The following ATP8B4 variants were observed in gnomAD, a reference collection of about 807,000 sequenced individuals.
ATP8B4 encodes the protein probable phospholipid-transporting ATPase IM.
Under a neutral mutation model 145.6 loss-of-function variants are expected in ATP8B4, and 133 were observed. That is an observed-to-expected ratio of 0.91 (90% CI 0.79 to 1.05). The LOEUF is 1.05. Among genes scored for constraint, ATP8B4 ranks in the 50% least tolerant of loss-of-function variants. The probability of loss-of-function intolerance (pLI) is 0.00; values close to 1 mark genes in which losing one functional copy is unlikely to be tolerated. For synonymous variants in ATP8B4, 507 were observed against 492.9 expected, an observed-to-expected ratio of 1.03 and a Z score of -0.38; for missense variants, 1,458 against 1,425.2, an observed-to-expected ratio of 1.02 and a Z score of -0.37.
intron 10 of ATP8B4, chr15:49,982,661 G>C (rs1247170646): frequency 6.6e-6 from 1 of 152,024 alleles, no homozygotes; most frequent in East Asian, 1.9e-4. Context: ...CATTCCATTA[G>C]GCACACAAAT....
chr15:49,920,348 G>A lies in ATP8B4; in HGVS notation c.1821C>T (p.Tyr607=), dbSNP rs941427045. The A allele has an allele frequency of 4.3e-6, 7 of 1,614,170 alleles. No homozygotes were observed. The Admixed American group carries it at 1.0e-4, about 23-fold the overall frequency. ...CAAGCATCTTATGCCACTCTTTAAA[G>A]TACTTGTCATCCAGGTCTCTGTATG... ...AIAYRDLDDK[Y]FKEWHKMLED... is the part of the protein sequence containing the mutation. The change falls in exon 18 of 28, where the codon TAC becomes TAT. Residue 607 remains tyrosine (Y), a synonymous_variant. Coordinates refer to ENST00000284509, the MANE Select transcript of ATP8B4 (RefSeq NM_024837.4).
intron 1 of ATP8B4, among the ~76,000 whole-genome samples, chr15:50,138,972 C>T (rs1436528758): frequency 1.3e-5 from 2 of 152,180 alleles, no homozygotes; most frequent in African/African-American, 4.8e-5. Context: ...AAAAACAATG[C>T]TTTTACACTA....
chr15:50,047,401 G>C lies in ATP8B4; in HGVS notation c.151C>G (p.Gln51Glu), dbSNP rs772676192. Reference sequence around the variant, plus strand: ...TAGGCATTTGCCACTCTTTGGAACTGTTCAAATAAATTAATTGGCAAGAAG... The same window carrying C: ...TAGGCATTTGCCACTCTTTGGAACTCTTCAAATAAATTAATTGGCAAGAAG... Reference protein sequence around the residue: ...LTFLPINLFEQFQRVANAYFL... With the variant: ...LTFLPINLFEEFQRVANAYFL... The change falls in exon 4 of 28, where the codon CAG becomes GAG. Residue 51 changes from glutamine (Q) to glutamate (E), a missense_variant. Gln to Glu is a conservative substitution (Grantham distance 29). Coordinates refer to ENST00000284509, the MANE Select transcript of ATP8B4 (RefSeq NM_024837.4). 3 of 1,600,332 alleles carry C rather than the reference G, an allele frequency of 1.9e-6. No individual in the cohort carries two copies. Among genetic ancestry groups the C allele is most frequent in the Non-Finnish European group, 2.6e-6 (3 of 1,167,632 alleles).
intron 2 of ATP8B4, among the ~76,000 whole-genome samples, chr15:50,087,098 A>AATATAGAGATCTATATTATATAT (rs2055208786): frequency 3.3e-5 from 3 of 91,304 alleles, no homozygotes; most frequent in African/African-American, 1.3e-4. Context: ...TATATATAAT[A>AATATAGAGATCTATATTATATAT]AATATAGATT....
chr15:49,980,735 C>T (rs35526735), intron 11 of ATP8B4, among the ~76,000 whole-genome samples: 45,002 of 152,010 alleles, frequency 0.3, 6,801 homozygotes, highest in East Asian at 0.45. Flanking sequence ...GACCTTCTGT[C>T]CTAAAAGTAT....
Position 50,010,809 on chromosome 15 carries a change from C to G in ATP8B4, c.435+36G>C, listed in dbSNP as rs763104646. 8.8e-6 allele frequency: 12 copies of G among 1,363,066 alleles called. No homozygotes were observed. In the Middle Eastern group the frequency reaches 7.7e-4, roughly 88 times the overall value. 84.4% of individuals were successfully genotyped at this position (1,363,066 alleles called of 1,614,324 possible). On this transcript the variant is annotated intron_variant, in intron 7 of 27. Coordinates refer to ENST00000284509, the MANE Select transcript of ATP8B4 (RefSeq NM_024837.4). ...ACTTCCATATATATGCTACTTTAAT[C>G]TGAGATAAATTATTCAAACAATATT... is the stretch of plus-strand genomic sequence containing the variant.
At chr15:49,994,405 C>A (rs1349339964) in intron 9 of ATP8B4, among the ~76,000 whole-genome samples, 1 of 151,972 alleles carries the variant, frequency 6.6e-6, no homozygotes, top group Admixed American at 6.6e-5. Flanking sequence ...TTCCTCTCGG[C>A]CCCCCAATGG....
chr15:50,168,045 A>G (rs1595665021), intron 1 of ATP8B4, among the ~76,000 whole-genome samples: 1 of 152,184 alleles, frequency 6.6e-6, no homozygotes. Context: ...GAAAAACAAT[A>G]AAAAGCTGAA....
chr15:49,884,632 G>C lies in ATP8B4; in HGVS notation c.2698-5173C>G, dbSNP rs764756700. 2.0e-3 allele frequency among the ~76,000 whole-genome samples: 213 copies of C among 107,262 alleles called. 2 individuals are homozygous for C. Among genetic ancestry groups the C allele is most frequent in the Non-Finnish European group, 3.4e-3 (168 of 49,638 alleles). 70.4% of individuals were successfully genotyped at this position (107,262 alleles called of 152,430 possible). ...AAAAAAGAAAAAAAAAAAAAAAAAA[G>C]AAAGTTTCCTTGAAGGCTTTTTCCC... On this transcript the variant is annotated intron_variant, in intron 23 of 27. Transcript: ENST00000284509.
intron 14 of ATP8B4, among the ~76,000 whole-genome samples, chr15:49,953,700 A>G (rs2043301224): frequency 6.6e-6 from 1 of 152,220 alleles, no homozygotes; most frequent in Non-Finnish European, 1.5e-5. Flanking sequence ...AGGCTTAGAC[A>G]GCAGGCAGCA....
intron 20 of ATP8B4, among the ~76,000 whole-genome samples, chr15:49,912,741 C>A (rs917703656): frequency 1.3e-5 from 2 of 152,218 alleles, no homozygotes; most frequent in African/African-American, 2.4e-5. Flanking sequence ...AGATCAATAT[C>A]TCTGATGAAC....
At chr15:50,087,508 A>G (rs1469198106) in intron 2 of ATP8B4, among the ~76,000 whole-genome samples, 1 of 150,370 alleles carries the variant, frequency 6.7e-6, no homozygotes, top group Non-Finnish European at 1.5e-5. Flanking sequence ...TGATGAATAC[A>G]TGTATGACAT....
intron 1 of ATP8B4, among the ~76,000 whole-genome samples, chr15:50,158,148 C>T (rs1479272011): frequency 2.0e-5 from 3 of 152,198 alleles, no homozygotes; most frequent in Admixed American, 1.3e-4. Context: ...CCCAAAGTGC[C>T]GAGATTGCAG....
At chr15:49,915,177 C>T (rs1024567286) in intron 20 of ATP8B4, among the ~76,000 whole-genome samples, 1 of 151,972 alleles carries the variant, frequency 6.6e-6, no homozygotes, top group Non-Finnish European at 1.5e-5. Context: ...TGAATGGAAC[C>T]ACGGGTTCCA....
intron 6 of ATP8B4, among the ~76,000 whole-genome samples, chr15:50,022,729 C>T (rs1360941952): frequency 6.6e-6 from 1 of 152,202 alleles, no homozygotes; most frequent in Non-Finnish European, 1.5e-5. Flanking sequence ...GTAAACCTGG[C>T]CTCTGGTGAA....
chr15:50,137,396 C>T (rs1430398709), intron 1 of ATP8B4, among the ~76,000 whole-genome samples: 1 of 152,200 alleles, frequency 6.6e-6, no homozygotes, highest in African/African-American at 2.4e-5. Context: ...AGACATCTTT[C>T]CATGCAGTCC....
At chr15:49,886,424 C>CA in intron 23 of ATP8B4, among the ~76,000 whole-genome samples, 1 of 152,068 alleles carries the variant, frequency 6.6e-6, no homozygotes. Flanking sequence ...ATGGGGGGAG[C>CA]ATGCAGGGAT....
intron 9 of ATP8B4, among the ~76,000 whole-genome samples, chr15:49,990,939 T>C (rs2046997634): frequency 6.6e-6 from 1 of 152,178 alleles, no homozygotes; most frequent in African/African-American, 2.4e-5. Context: ...ACTTATTTTC[T>C]TAGAAAGAAG....
chr15:49,933,447 A>G (rs2041447727), intron 15 of ATP8B4, among the ~76,000 whole-genome samples: 1 of 152,028 alleles, frequency 6.6e-6, no homozygotes, highest in Admixed American at 6.6e-5. Context: ...AAGTGGCCCA[A>G]GCGGTTTTGT....
Sources: gnomAD v4.1 joint callset for allele counts (sites outside exome capture counted in the v4.1 genomes callset) on GRCh38, gnomAD v4.1.1 for gene constraint, MANE v1.5 for transcripts, NCBI Gene and HGNC (gene_info 2026-07-23, HGNC 2026-07-21) for gene names.